PGBD5: variants seen among roughly 807,000 people sequenced by gnomAD.
The protein encoded by PGBD5 is piggyBac transposable element derived 5, also known as piggyBac transposable element-derived protein 5.
Under a neutral mutation model 47.9 loss-of-function variants are expected in PGBD5, and 14 were observed. That is an observed-to-expected ratio of 0.29 (90% confidence interval 0.19 to 0.46). The LOEUF (loss-of-function observed/expected upper bound fraction) is 0.46, where lower values mean the gene tolerates loss of function less well. PGBD5 is among the 20% of genes least tolerant of loss of function. The pLI, the probability that PGBD5 is intolerant of heterozygous loss-of-function variation, is 1.00. For synonymous variants in PGBD5, 316 were observed against 306.3 expected (o/e 1.03, Z -0.33); for missense variants, 635 against 716.0 (o/e 0.89, Z 1.29).
At chr1:230,402,526 T>C (rs1461027578) in intron 1 of PGBD5, among the ~76,000 whole-genome samples, 1 of 152,256 alleles carries the variant, frequency 6.6e-6, no homozygotes, top group Non-Finnish European at 1.5e-5. Context: ...GCTTTGCCTC[T>C]GAGTTTAGCC....
At position 230,316,239 on chromosome 1, in the gene PGBD5, T is replaced by C. The variant is rs941564722; in HGVS notation, c.*7186A>G. On this transcript the variant is annotated 3_prime_UTR_variant, in exon 7 of 7. Transcript: ENST00000391860. ...ATGTGTATATGTGTATACGTACATA[T>C]GTGTATATATGTATTAAGTGGACAT... 14 of 153,236 alleles carry C rather than the reference T, an allele frequency of 9.1e-5. No individual in the cohort carries two copies. Among genetic ancestry groups the C allele is most frequent in the African/African-American group, 3.1e-4 (13 of 41,550 alleles). 9.5% of individuals were successfully genotyped at this position (153,236 alleles called of 1,614,324 possible).
chr1:230,412,200 TAC>T (rs1212693297), intron 1 of PGBD5, among the ~76,000 whole-genome samples: 1 of 152,158 alleles, frequency 6.6e-6, no homozygotes, highest in African/African-American at 2.4e-5. Context: ...TCAACGAAAT[TAC>T]AGTTGGCCCT....
At chr1:230,326,155 C>A (rs775341878) in intron 5 of PGBD5, among the ~76,000 whole-genome samples, 2 of 152,254 alleles carry the variant, frequency 1.3e-5, no homozygotes, top group Non-Finnish European at 2.9e-5. Context: ...CGGTGGCTCA[C>A]GCCTGTAACC....
intron 1 of PGBD5, among the ~76,000 whole-genome samples, chr1:230,374,023 A>C (rs1027162274): frequency 6.6e-6 from 1 of 152,202 alleles, no homozygotes; most frequent in Non-Finnish European, 1.5e-5. Flanking sequence ...AGTAAATGAA[A>C]TGCCCACAAA....
chr1:230,332,713 A>G, intron 5 of PGBD5, 131 bp downstream of exon 5: 1 of 1,046,198 alleles, frequency 9.6e-7, no homozygotes, highest in African/African-American at 1.6e-5. Context: ...ATGCTGGGGA[A>G]TAACCGAGGG....
intron 2 of PGBD5, among the ~76,000 whole-genome samples, chr1:230,355,340 C>A (rs1337116032): frequency 6.6e-6 from 1 of 152,204 alleles, no homozygotes; most frequent in African/African-American, 2.4e-5. Flanking sequence ...CCAGAGAGGC[C>A]AGGCACTCAC....
chr1:230,399,929 C>T (rs1198500604), intron 1 of PGBD5, among the ~76,000 whole-genome samples: 1 of 152,230 alleles, frequency 6.6e-6, no homozygotes, highest in African/African-American at 2.4e-5. Flanking sequence ...TGGCGGGAGC[C>T]AGATCCCACG....
intron 1 of PGBD5, among the ~76,000 whole-genome samples, chr1:230,396,251 AC>A (rs769441807): frequency 4.4e-4 from 3 of 6,770 alleles, no homozygotes; most frequent in Non-Finnish European, 7.9e-4. Flanking sequence ...CCTCCCTTTT[AC>A]CCCCACACTC....
chr1:230,329,121 T>TGGG lies in PGBD5; in HGVS notation c.1274-3707_1274-3706insCCC, dbSNP rs113648366. Among the ~76,000 whole-genome samples the TGGG allele has an allele frequency of 4.5e-4, 63 of 139,612 alleles. 1 individual carries two copies. Among genetic ancestry groups the TGGG allele is most frequent in the Middle Eastern group, 6.9e-3 (2 of 288 alleles). 91.6% of individuals were successfully genotyped at this position (139,612 alleles called of 152,430 possible). ...TACGCCATGCCCAGCTAATTTTTTT[T>TGGG]TGGGGGGGGAGGTGGTATTTTTTGC... is the stretch of plus-strand genomic sequence containing the variant. On this transcript the variant is annotated intron_variant, in intron 5 of 6. Coordinates refer to ENST00000391860, the MANE Select transcript of PGBD5 (RefSeq NM_001258311.2).
intron 3 of PGBD5, among the ~76,000 whole-genome samples, chr1:230,338,830 A>G (rs897856320): frequency 6.6e-6 from 1 of 151,830 alleles, no homozygotes; most frequent in Non-Finnish European, 1.5e-5. Flanking sequence ...AGAAAAGAAA[A>G]GAAAAAAAAG....
At chr1:230,327,062 C>T (rs1355084709) in intron 5 of PGBD5, among the ~76,000 whole-genome samples, 3 of 152,146 alleles carry the variant, frequency 2.0e-5, no homozygotes, top group Admixed American at 6.5e-5. Flanking sequence ...CTGCCCTATG[C>T]GCCACCCACC....
intron 1 of PGBD5, among the ~76,000 whole-genome samples, chr1:230,396,479 C>T (rs73102035): frequency 8.3e-4 from 115 of 138,420 alleles, no homozygotes; most frequent in African/African-American, 3.1e-3. Context: ...CCCCTACTTC[C>T]GCAGCCAGGG....
chr1:230,395,065 TC>T, intron 1 of PGBD5, among the ~76,000 whole-genome samples: 1 of 26,628 alleles, frequency 3.8e-5, no homozygotes, highest in African/African-American at 1.7e-4. Context: ...CCTCTCTCAC[TC>T]CCTCCTCCCC....
At chr1:230,351,800 T>C (rs1391131676) in intron 2 of PGBD5, among the ~76,000 whole-genome samples, 1 of 152,194 alleles carries the variant, frequency 6.6e-6, no homozygotes, top group Admixed American at 6.5e-5. Context: ...CCCAAGGCAA[T>C]TTTGAAACTA....
intron 1 of PGBD5, among the ~76,000 whole-genome samples, chr1:230,379,464 T>C (rs1266774679): frequency 6.6e-6 from 1 of 152,194 alleles, no homozygotes. Flanking sequence ...GAATTAACTT[T>C]CAAAAACACA....
chr1:230,363,463 T>A (rs1667781639), intron 1 of PGBD5, among the ~76,000 whole-genome samples: 1 of 152,040 alleles, frequency 6.6e-6, no homozygotes, highest in African/African-American at 2.4e-5. Flanking sequence ...GCGCCTGTAG[T>A]CCCAGCTACT....
chr1:230,366,028 A>C (rs1036970091), intron 1 of PGBD5, among the ~76,000 whole-genome samples: 11 of 152,238 alleles, frequency 7.2e-5, no homozygotes, highest in African/African-American at 2.2e-4. Context: ...ATGTCAGTCA[A>C]ATGAATGAAC....
intron 1 of PGBD5, among the ~76,000 whole-genome samples, chr1:230,404,101 C>G (rs984784324): frequency 3.9e-5 from 6 of 152,044 alleles, no homozygotes; most frequent in Non-Finnish European, 7.4e-5. Flanking sequence ...GTGGAAGATG[C>G]CGGGTGGAAG....
intron 3 of PGBD5, among the ~76,000 whole-genome samples, chr1:230,344,358 C>G (rs1667448044): frequency 6.6e-6 from 1 of 152,152 alleles, no homozygotes; most frequent in African/African-American, 2.4e-5. Context: ...CTTTGTAGAT[C>G]TAATTTTAGG....
Sources: gnomAD v4.1 joint callset for allele counts (sites outside exome capture counted in the v4.1 genomes callset) on GRCh38, gnomAD v4.1.1 for gene constraint, MANE v1.5 for transcripts, NCBI Gene and HGNC (gene_info 2026-07-23, HGNC 2026-07-21) for gene names.